Variants in PAPPA2 observed in about 807,000 individuals in gnomAD.
PAPPA2 encodes pappalysin 2, also known as pappalysin-2.
PAPPA2 carries 86 observed loss-of-function variants against 176.4 expected under a neutral mutation model. The observed-to-expected ratio is 0.49, with a 90% CI of 0.41 to 0.58. The LOEUF (loss-of-function observed/expected upper bound fraction) is 0.58. Among genes scored for constraint, PAPPA2 ranks in the 20% least tolerant of loss-of-function variants. The pLI is 0.00. For missense variants in PAPPA2, 2,073 were observed against 2,256.9 expected, an observed-to-expected ratio of 0.92 and a Z score of 1.65; for synonymous variants, 809 against 852.2, an observed-to-expected ratio of 0.95 and a Z score of 0.88.
chr1:176,600,607 C>T (rs1654259611), intron 3 of PAPPA2, among the ~76,000 whole-genome samples: 1 of 138,356 alleles, frequency 7.2e-6, no homozygotes, highest in African/African-American at 2.8e-5. Context: ...ACCCGGGAGG[C>T]GGAGCTTGCA....
chr1:176,585,106 C>G (rs1653229286), intron 2 of PAPPA2, among the ~76,000 whole-genome samples: 1 of 152,194 alleles, frequency 6.6e-6, no homozygotes, highest in South Asian at 2.1e-4. Flanking sequence ...TTCATGAACA[C>G]ATGCAGTTAC....
intron 21 of PAPPA2, among the ~76,000 whole-genome samples, chr1:176,816,761 C>G (rs961231259): frequency 7.2e-5 from 11 of 152,112 alleles, no homozygotes; most frequent in African/African-American, 2.7e-4. Context: ...TGTGCTATTA[C>G]TACTAACTAC....
chr1:176,538,252 C>T (rs1650177169), intron 1 of PAPPA2, among the ~76,000 whole-genome samples: 1 of 152,164 alleles, frequency 6.6e-6, no homozygotes, highest in Admixed American at 6.5e-5. Flanking sequence ...ACCCCAGGAC[C>T]ATCACTCTTC....
At chr1:176,731,172 T>A (rs1662123041) in intron 12 of PAPPA2, among the ~76,000 whole-genome samples, 1 of 152,118 alleles carries the variant, frequency 6.6e-6, no homozygotes, top group Admixed American at 6.6e-5. Context: ...AAATTTGTGT[T>A]CCTTATACTT....
intron 3 of PAPPA2, among the ~76,000 whole-genome samples, chr1:176,665,482 C>T (rs1236246950): frequency 6.6e-6 from 1 of 152,208 alleles, no homozygotes; most frequent in Non-Finnish European, 1.5e-5. Flanking sequence ...GTGCTGACGT[C>T]CCTTAATTCT....
chr1:176,573,550 C>T (rs1652475364), intron 2 of PAPPA2, among the ~76,000 whole-genome samples: 1 of 152,178 alleles, frequency 6.6e-6, no homozygotes, highest in South Asian at 2.1e-4. Flanking sequence ...AAAAAAATCA[C>T]GTGTTTAAAA....
intron 2 of PAPPA2, among the ~76,000 whole-genome samples, chr1:176,563,016 T>C (rs1245910734): frequency 6.6e-6 from 1 of 152,224 alleles, no homozygotes; most frequent in Non-Finnish European, 1.5e-5. Context: ...CCTTATTTGT[T>C]ATGTGCATGT....
At chr1:176,830,911 T>A (rs767901078) in intron 21 of PAPPA2, among the ~76,000 whole-genome samples, 1 of 152,126 alleles carries the variant, frequency 6.6e-6, no homozygotes, top group Non-Finnish European at 1.5e-5. Flanking sequence ...GCTGTGTACT[T>A]AGAAGAGGAG....
intron 14 of PAPPA2, among the ~76,000 whole-genome samples, chr1:176,745,147 T>A (rs755831914): frequency 6.6e-6 from 1 of 152,198 alleles, no homozygotes; most frequent in Non-Finnish European, 1.5e-5. Context: ...TAGAGCTGGA[T>A]TTTTATCACT....
At chr1:176,781,986 T>G (rs2102926532) in intron 17 of PAPPA2, among the ~76,000 whole-genome samples, 1 of 152,358 alleles carries the variant, frequency 6.6e-6, no homozygotes, top group African/African-American at 2.4e-5. Flanking sequence ...AATTGCCTCT[T>G]TCCCTTACAT....
At chr1:176,488,889 C>T (rs1652770330) in intron 1 of PAPPA2, among the ~76,000 whole-genome samples, 1 of 152,146 alleles carries the variant, frequency 6.6e-6, no homozygotes, top group South Asian at 2.1e-4. Context: ...GAGTCTGGTT[C>T]TAGATTTAGG....
chr1:176,662,493 T>A (rs1350745465), intron 3 of PAPPA2, among the ~76,000 whole-genome samples: 2 of 152,128 alleles, frequency 1.3e-5, no homozygotes, highest in Non-Finnish European at 2.9e-5. Context: ...TCTATTTTGA[T>A]CAATGCTCTG....
intron 3 of PAPPA2, among the ~76,000 whole-genome samples, chr1:176,626,090 A>G (rs999651262): frequency 2.6e-5 from 4 of 152,212 alleles, no homozygotes; most frequent in Non-Finnish European, 4.4e-5. Flanking sequence ...TAAATAATTT[A>G]CATAATTTAA....
At chr1:176,797,123 A>G (rs1475042317) in intron 20 of PAPPA2, among the ~76,000 whole-genome samples, 1 of 152,246 alleles carries the variant, frequency 6.6e-6, no homozygotes, top group Non-Finnish European at 1.5e-5. Context: ...TAACATAGTA[A>G]TGCATAGATT....
chr1:176,703,915 C>T (rs1271219772), intron 9 of PAPPA2, among the ~76,000 whole-genome samples: 1 of 152,202 alleles, frequency 6.6e-6, no homozygotes, highest in Non-Finnish European at 1.5e-5. Context: ...GACAAGTCCA[C>T]TTGACACTGT....
intron 3 of PAPPA2, among the ~76,000 whole-genome samples, chr1:176,624,452 T>A (rs1249804785): frequency 3.3e-5 from 5 of 152,224 alleles, no homozygotes; most frequent in Non-Finnish European, 7.3e-5. Context: ...CATCATTGTT[T>A]TAGTGATCAG....
chr1:176,791,429 C>G lies in PAPPA2; in HGVS notation c.4967C>G (p.Pro1656Arg). Reference protein sequence around the residue: ...CENLQGECPPPPSELNSVEYK... With the variant: ...CENLQGECPPRPSELNSVEYK... ...AATCTGCAAGGAGAATGCCCACCAC[C>G]CCCCTCAGAGCTGAATTCTGTGGAG... Residue 1656 changes from proline (P) to arginine (R), a missense_variant, in exon 19 of 23, where the codon CCC becomes CGC. Around this residue, in one of 4 missense-constraint regions of PAPPA2, gnomAD observed 846 missense variants for 857.9 expected, o/e 0.99. Transcript: ENST00000367662. 6.2e-7 allele frequency: 1 copy of G among 1,613,602 alleles called. No individual in the cohort carries two copies. Among genetic ancestry groups the G allele is most frequent in the Non-Finnish European group, 8.5e-7 (1 of 1,179,640 alleles).
chr1:176,765,616 C>G, intron 14 of PAPPA2, 50 bp from the exon 15 acceptor site: 1 of 1,565,012 alleles, frequency 6.4e-7, no homozygotes, highest in Non-Finnish European at 8.7e-7. Flanking sequence ...ATTGCTCCTC[C>G]TTACTGGTTC....
At chr1:176,761,076 C>A (rs1019480188) in intron 14 of PAPPA2, among the ~76,000 whole-genome samples, 41 of 152,132 alleles carry the variant, frequency 2.7e-4, no homozygotes, top group Non-Finnish European at 4.3e-4. Context: ...CCGCCTCGGC[C>A]TCCCAAAGTG....
Sources: allele counts gnomAD v4.1 joint callset (sites outside exome capture counted in the v4.1 genomes callset), GRCh38; gene constraint gnomAD v4.1.1; regional missense constraint gnomAD v4.1.1; transcripts MANE v1.5; gene names NCBI Gene and HGNC (gene_info 2026-07-23, HGNC 2026-07-21).